Variants in TMEFF2 observed in about 807,000 individuals in gnomAD.
TMEFF2 encodes tomoregulin-2.
Under a neutral mutation model 53.8 loss-of-function variants are expected in TMEFF2, and 28 were observed. That is an observed-to-expected ratio of 0.52 (90% CI 0.39 to 0.71). TMEFF2 has a LOEUF of 0.71. TMEFF2 is among the 30% of genes least tolerant of loss of function. The probability of loss-of-function intolerance (pLI) is 0.00; values close to 1 mark genes in which losing one functional copy is unlikely to be tolerated. For synonymous variants in TMEFF2, 162 were observed against 166.3 expected (o/e 0.97, Z 0.20); for missense variants, 353 against 455.2 (o/e 0.78, Z 2.04).
At chr2:192,001,569 T>G (rs1044713340) in intron 5 of TMEFF2, among the ~76,000 whole-genome samples, 1 of 152,116 alleles carries the variant, frequency 6.6e-6, no homozygotes, top group East Asian at 1.9e-4. Flanking sequence ...CACCTAAATT[T>G]CATCTTGAAT....
Position 192,048,361 on chromosome 2 carries a change from AAC to A in TMEFF2, c.536+9316_536+9317del, listed in dbSNP as rs3053696. 4.1e-3 allele frequency among the ~76,000 whole-genome samples: 581 copies of A among 143,216 alleles called. 1 individual carries two copies. The highest frequency in any genetic ancestry group is 0.011 in the South Asian group (49 of 4,424). The allele number at this position is 143,216 out of a possible 152,430, so 94.0% of individuals were successfully genotyped here. ...GTAAAATATTATTAGATTCTCATAA[AAC>A]ACACACACACACACACACACACACA... On this transcript the variant is annotated intron_variant, in intron 5 of 9. Transcript: ENST00000272771.
At chr2:192,069,610 C>T (rs1476465242) in intron 4 of TMEFF2, among the ~76,000 whole-genome samples, 1 of 151,666 alleles carries the variant, frequency 6.6e-6, no homozygotes, top group Non-Finnish European at 1.5e-5. Flanking sequence ...ATCAATATGT[C>T]TGCTTACGAA....
chr2:192,143,632 C>T (rs924631267), intron 4 of TMEFF2, among the ~76,000 whole-genome samples: 1 of 152,000 alleles, frequency 6.6e-6, no homozygotes, highest in African/African-American at 2.4e-5. Flanking sequence ...AATAAATATG[C>T]TTTTACCTTG....
intron 4 of TMEFF2, among the ~76,000 whole-genome samples, chr2:192,164,618 C>T (rs777710717): frequency 6.6e-6 from 1 of 151,924 alleles, no homozygotes; most frequent in South Asian, 2.1e-4. Flanking sequence ...ATCCCAGCTA[C>T]TCAGGAGGCT....
chr2:192,062,433 G>A (rs1688066378), intron 4 of TMEFF2, among the ~76,000 whole-genome samples: 3 of 152,110 alleles, frequency 2.0e-5, no homozygotes. Flanking sequence ...GTTACTGACT[G>A]GAAATTATAA....
chr2:192,064,462 AC>A (rs1688121815), intron 4 of TMEFF2, among the ~76,000 whole-genome samples: 1 of 151,738 alleles, frequency 6.6e-6, no homozygotes, highest in Non-Finnish European at 1.5e-5. Flanking sequence ...ACTAATGAAG[AC>A]CCCTGCCAAT....
At chr2:191,974,452 TTAAAAA>T (rs1194284250) in intron 7 of TMEFF2, among the ~76,000 whole-genome samples, 1 of 152,098 alleles carries the variant, frequency 6.6e-6, no homozygotes, top group Non-Finnish European at 1.5e-5. Context: ...TATCTTTTTC[TTAAAAA>T]TAAAGTATAT....
chr2:191,986,810 A>G (rs559242058), intron 7 of TMEFF2, among the ~76,000 whole-genome samples: 13 of 147,332 alleles, frequency 8.8e-5, no homozygotes, highest in African/African-American at 3.3e-4. Flanking sequence ...GTGAGCTGAC[A>G]TGGTGTCACT....
In TMEFF2 at chr2:192,003,118, A is replaced by G. The variant is rs187411214; in HGVS notation, c.537-3910T>C. Among the ~76,000 whole-genome samples, 27 of 152,332 alleles carry G rather than the reference A, an allele frequency of 1.8e-4. No homozygotes were observed. The East Asian group carries it at 4.1e-3, about 23-fold the overall frequency. On this transcript the variant is annotated intron_variant, in intron 5 of 9. Coordinates refer to ENST00000272771, the MANE Select transcript of TMEFF2 (RefSeq NM_016192.4). ...CCAACCCGCCCAATATCTTGCACACATGAAACTTTCAATAACTACATGTTG... is the reference window on the plus strand; with the variant it reads ...CCAACCCGCCCAATATCTTGCACACGTGAAACTTTCAATAACTACATGTTG...
chr2:192,130,018 T>A (rs1200995607), intron 4 of TMEFF2, among the ~76,000 whole-genome samples: 2 of 152,226 alleles, frequency 1.3e-5, no homozygotes, highest in African/African-American at 4.8e-5. Context: ...GCAAAATGTC[T>A]ATAAGTGATT....
intron 4 of TMEFF2, among the ~76,000 whole-genome samples, chr2:192,166,133 A>G (rs1559154002): frequency 6.6e-6 from 1 of 152,144 alleles, no homozygotes; most frequent in Admixed American, 6.6e-5. Context: ...GTTATTTGAA[A>G]AGAAAAATAA....
intron 4 of TMEFF2, among the ~76,000 whole-genome samples, chr2:192,146,562 A>T (rs1209457570): frequency 8.6e-5 from 13 of 151,996 alleles, no homozygotes; most frequent in Admixed American, 7.2e-4. Context: ...GAACTGCTAC[A>T]TTTCTGATTC....
At chr2:192,193,665 T>C (rs1201175149) in intron 1 of TMEFF2, among the ~76,000 whole-genome samples, 1 of 151,588 alleles carries the variant, frequency 6.6e-6, no homozygotes, top group Non-Finnish European at 1.5e-5. Flanking sequence ...CCTTGAAGCT[T>C]AGGGAAGCAA....
chr2:192,119,843 G>A (rs1037026406), intron 4 of TMEFF2, among the ~76,000 whole-genome samples: 2 of 152,088 alleles, frequency 1.3e-5, no homozygotes, highest in South Asian at 2.1e-4. Flanking sequence ...AATCGTAGGT[G>A]GAATTTATTA....
chr2:192,118,102 A>G (rs1689460631), intron 4 of TMEFF2, among the ~76,000 whole-genome samples: 1 of 151,970 alleles, frequency 6.6e-6, no homozygotes, highest in African/African-American at 2.4e-5. Context: ...TACTTGAGAG[A>G]CATTTGTTTT....
intron 7 of TMEFF2, among the ~76,000 whole-genome samples, chr2:191,974,396 G>T (rs1312410134): frequency 6.6e-6 from 1 of 152,070 alleles, no homozygotes; most frequent in Non-Finnish European, 1.5e-5. Context: ...CATTCAATAT[G>T]AAGAATGTGG....
chr2:191,987,031 T>C (rs1304204633), intron 7 of TMEFF2, among the ~76,000 whole-genome samples: 2 of 152,042 alleles, frequency 1.3e-5, no homozygotes, highest in African/African-American at 4.8e-5. Context: ...TCATCTAATA[T>C]GTACTTTCCC....
At chr2:192,064,450 A>G (rs1688121308) in intron 4 of TMEFF2, among the ~76,000 whole-genome samples, 5 of 151,850 alleles carry the variant, frequency 3.3e-5, no homozygotes, top group Admixed American at 3.3e-4. Context: ...AAAGTTTTCT[A>G]TACTAATGAA....
chr2:191,987,516 A>C (rs1049899826), intron 7 of TMEFF2, among the ~76,000 whole-genome samples: 3 of 151,774 alleles, frequency 2.0e-5, no homozygotes, highest in Non-Finnish European at 4.4e-5. Context: ...AAGCTATCCT[A>C]TCACTTTAGC....
Sources: gnomAD v4.1 joint callset for allele counts (sites outside exome capture counted in the v4.1 genomes callset) on GRCh38, gnomAD v4.1.1 for gene constraint, MANE v1.5 for transcripts, NCBI Gene and HGNC (gene_info 2026-07-23, HGNC 2026-07-21) for gene names.